MACF1: variants seen among roughly 807,000 people sequenced by gnomAD.
MACF1 encodes the protein microtubule actin crosslinking factor 1.
MACF1 carries 193 observed loss-of-function variants against 854.8 expected under a neutral mutation model. The ratio of observed to expected loss-of-function variants is 0.23; its 90% CI spans 0.20 to 0.25. MACF1 has a LOEUF of 0.25. MACF1 is among the 10% of genes least tolerant of loss of function. The pLI is 1.00. For missense variants in MACF1, 7,722 were observed against 8,929.1 expected, an observed-to-expected ratio of 0.86 and a Z score of 5.45; for synonymous variants, 3,185 against 3,226.7, an observed-to-expected ratio of 0.99 and a Z score of 0.44.
At chr1:39,412,137 G>A (rs766313877) in intron 58 of MACF1, 2 of 1,613,972 alleles carry the variant, frequency 1.2e-6, no homozygotes, top group South Asian at 1.1e-5. Flanking sequence ...CTTCTGAGCT[G>A]GCCAAAGACA....
At chr1:39,137,348 G>T (rs780979247) in intron 2 of MACF1, among the ~76,000 whole-genome samples, 11 of 152,338 alleles carry the variant, frequency 7.2e-5, no homozygotes, top group Admixed American at 2.0e-4. Flanking sequence ...GGGATTACAG[G>T]CGTGAGCCAC....
In MACF1 at chr1:39,331,199, T is replaced by A. The variant is rs927991661; in HGVS notation, c.4615-4T>A. ...TTTTTTTTTTTTTTTTTTTTTTTTT[T>A]TAGGAATGCAGAGCAGTTGCTGGGG... On this transcript the variant is annotated splice_region_variant and splice_polypyrimidine_tract_variant and intron_variant, in intron 36 of 100. Coordinates refer to ENST00000564288, the MANE Select transcript of MACF1 (RefSeq NM_001394062.1). 2.5e-6 allele frequency: 3 copies of A among 1,188,466 alleles called. No homozygotes were observed. Among genetic ancestry groups the A allele is most frequent in the African/African-American group, 1.8e-5 (1 of 55,180 alleles). 73.6% of individuals were successfully genotyped at this position (1,188,466 alleles called of 1,614,324 possible).
intron 22 of MACF1, among the ~76,000 whole-genome samples, chr1:39,301,344 T>A (rs1007077547): frequency 6.6e-6 from 1 of 152,044 alleles, no homozygotes; most frequent in African/African-American, 2.4e-5. Flanking sequence ...GCCAGGATGG[T>A]CTCGATCTCC....
At chr1:39,402,697 C>A (rs1027482318) in intron 58 of MACF1, among the ~76,000 whole-genome samples, 6 of 152,218 alleles carry the variant, frequency 3.9e-5, no homozygotes, top group Non-Finnish European at 5.9e-5. Context: ...TCTGATCCAA[C>A]ACCCATCACT....
At chr1:39,356,283 T>G (rs1027108009) in intron 44 of MACF1, among the ~76,000 whole-genome samples, 2 of 152,182 alleles carry the variant, frequency 1.3e-5, no homozygotes, top group Non-Finnish European at 2.9e-5. Context: ...TACAGTTTAA[T>G]CTCTAATTAT....
chr1:39,283,095 T>C lies in MACF1; in HGVS notation c.696-94T>C. The C allele has an allele frequency of 1.3e-6, 1 of 756,304 alleles. No homozygotes were observed. The highest frequency in any genetic ancestry group is 2.2e-6 in the Non-Finnish European group (1 of 445,564). The allele number at this position is 756,304 out of a possible 1,614,324, so 46.8% of individuals were successfully genotyped here. ...TTTTCTCTAACTCACTTAGTGTTTT[T>C]CAGCTCTGGGAACTTTCAGGAGGTT... On this transcript the variant is annotated intron_variant, in intron 7 of 100. Coordinates refer to ENST00000564288, the MANE Select transcript of MACF1 (RefSeq NM_001394062.1). This position sits in a 1 kb window ranked among gnomAD's most constrained non-coding sequence, Gnocchi z 4.5.
At chr1:39,318,995 A>AT (rs757494196) in intron 30 of MACF1, among the ~76,000 whole-genome samples, 3,276 of 147,622 alleles carry the variant, frequency 0.022, 79 homozygotes, top group African/African-American at 0.069. Context: ...TATTTTAAGC[A>AT]TTTTTTTTTT....
intron 1 of MACF1, among the ~76,000 whole-genome samples, chr1:39,218,646 T>A (rs1156404480): frequency 6.6e-6 from 1 of 152,224 alleles, no homozygotes; most frequent in African/African-American, 2.4e-5. Flanking sequence ...TCACTGTGGC[T>A]CTCTTCTTTT....
intron 80 of MACF1, among the ~76,000 whole-genome samples, chr1:39,446,418 T>C (rs1644232908): frequency 1.3e-5 from 2 of 151,962 alleles, no homozygotes; most frequent in Non-Finnish European, 2.9e-5. Context: ...TTTCTATATA[T>C]ATTTGAAGTG....
chr1:39,219,678 G>GA (rs1644625124), intron 1 of MACF1, among the ~76,000 whole-genome samples: 1 of 152,216 alleles, frequency 6.6e-6, no homozygotes, highest in South Asian at 2.1e-4. Context: ...CCAGGATCAA[G>GA]ATGTGGCAAG....
intron 2 of MACF1, among the ~76,000 whole-genome samples, chr1:39,162,668 C>T (rs1643825101): frequency 6.6e-6 from 1 of 152,020 alleles, no homozygotes; most frequent in Admixed American, 6.6e-5. Context: ...TTTTCTATAA[C>T]TTTCATAGGC....
intron 2 of MACF1, among the ~76,000 whole-genome samples, chr1:39,146,547 A>G (rs949316691): frequency 2.6e-5 from 4 of 152,178 alleles, no homozygotes; most frequent in African/African-American, 9.7e-5. Context: ...ATTTACAACA[A>G]CATGGATGGA....
rs1174465481 is a variant in MACF1, at chr1:39,387,974, T to G, written c.15132T>G (p.Cys5044Trp). The G allele has an allele frequency of 6.2e-7, 1 of 1,614,062 alleles. No homozygotes were observed. The highest frequency in any genetic ancestry group is 8.5e-7 in the Non-Finnish European group (1 of 1,180,006). The part of the protein sequence containing the change: ...EIFDALGSQA[C>W]SNKNLEKLRA... ...TTGATGCTCTGGGTTCTCAAGCCTG[T>G]AGCAACAAGAACCTGGAGAAGCTAA... is the stretch of plus-strand genomic sequence containing the variant. The change falls in exon 58 of 101, where the codon TGT becomes TGG. Residue 5044 changes from cysteine (C) to tryptophan (W), a missense_variant. Transcript: ENST00000564288.
intron 2 of MACF1, among the ~76,000 whole-genome samples, chr1:39,104,216 G>T (rs552960984): frequency 7.2e-5 from 11 of 152,182 alleles, no homozygotes; most frequent in Admixed American, 3.3e-4. Context: ...GGGGGGTGGC[G>T]GGCACAACGT....
At chr1:39,317,179 G>T in intron 28 of MACF1, 35 bp from the exon 29 acceptor site, 1 of 1,600,084 alleles carries the variant, frequency 6.2e-7, no homozygotes, top group Non-Finnish European at 8.5e-7. Context: ...AGCATGGAAA[G>T]TATACAACCT....
At chr1:39,113,763 C>T (rs990856123) in intron 2 of MACF1, among the ~76,000 whole-genome samples, 8 of 152,148 alleles carry the variant, frequency 5.3e-5, no homozygotes, top group South Asian at 2.1e-4. Context: ...TGGCCAGGTA[C>T]GGTGGCTCAC....
chr1:39,320,675 A>C (rs1291994726), intron 31 of MACF1, among the ~76,000 whole-genome samples: 1 of 152,190 alleles, frequency 6.6e-6, no homozygotes, highest in Non-Finnish European at 1.5e-5. Context: ...CTTTAAGGAA[A>C]AATGACTTGA....
intron 2 of MACF1, among the ~76,000 whole-genome samples, chr1:39,198,022 A>AC (rs1644343155): frequency 6.6e-6 from 1 of 151,892 alleles, no homozygotes; most frequent in African/African-American, 2.4e-5. Context: ...ACATGGCAAA[A>AC]CCCCATCTCT....
Position 39,370,145 on chromosome 1 carries a change from A to T in MACF1, c.13054A>T (p.Met4352Leu), listed in dbSNP as rs2296172. ...GAGTATTCCACCTACGGAAACTTCT[A>T]TGAGTGCTAAAGAGTTAGAAAAGCA... is the stretch of plus-strand genomic sequence containing the variant. ...EGSIPPTETSMSAKELEKQIE... is the reference protein window; with the variant it reads ...EGSIPPTETSLSAKELEKQIE... The change falls in exon 51 of 101, where the codon ATG becomes TTG. Residue 4352 changes from methionine (M) to leucine (L), a missense_variant. Met to Leu is a conservative substitution (Grantham distance 15). Coordinates refer to ENST00000564288, the MANE Select transcript of MACF1 (RefSeq NM_001394062.1). 2 of 1,613,846 alleles carry T rather than the reference A, an allele frequency of 1.2e-6. No homozygotes were observed. The highest frequency in any genetic ancestry group is 3.3e-5 in the Admixed American group (2 of 59,968).
Sources: gnomAD v4.1 joint callset for allele counts (sites outside exome capture counted in the v4.1 genomes callset) on GRCh38, gnomAD v4.1.1 for gene constraint, Gnocchi (gnomAD v3.1) non-coding constraint, MANE v1.5 for transcripts, NCBI Gene and HGNC (gene_info 2026-07-23, HGNC 2026-07-21) for gene names.